Variants in TDRD12 observed in about 807,000 individuals in gnomAD.
The protein encoded by TDRD12 is putative ATP-dependent RNA helicase TDRD12.
TDRD12 carries 158 observed loss-of-function variants against 133.5 expected under a neutral mutation model. The ratio of observed to expected loss-of-function variants is 1.18; its 90% CI spans 1.04 to 1.35. The LOEUF (loss-of-function observed/expected upper bound fraction) is 1.35. Ranked by LOEUF, TDRD12 falls within the 40% of genes most tolerant of loss-of-function variation. TDRD12 has a pLI of 0.00. For missense variants in TDRD12, 1,443 were observed against 1,321.3 expected (o/e 1.09, Z -1.43); for synonymous variants, 460 against 477.9 (o/e 0.96, Z 0.49).
At chr19:32,828,135 A>G (rs1209179807) in exon 10 of TDRD12, 1 of 152,212 alleles carries the variant, frequency 6.6e-6, no homozygotes, top group Non-Finnish European at 1.5e-5. Context: ...CCTCAGAGTA[A>G]GTTGACTTCT....
chr19:32,821,361 C>G (rs1967380555), downstream of TDRD12: 1 of 553,472 alleles, frequency 1.8e-6, no homozygotes, highest in Non-Finnish European at 3.2e-6. Flanking sequence ...AAGTGAACAG[C>G]TCAGCAGAGT....
At chr19:32,746,160 G>C (rs1187487489) in intron 4 of TDRD12, among the ~76,000 whole-genome samples, 1 of 147,882 alleles carries the variant, frequency 6.8e-6, no homozygotes, top group Non-Finnish European at 1.5e-5. Flanking sequence ...GGCTGAAGTG[G>C]TTATTCTGTG....
At chr19:32,823,581 G>T (rs1967481266), downstream of TDRD12, among the ~76,000 whole-genome samples, 1 of 152,144 alleles carries the variant, frequency 6.6e-6, no homozygotes, top group South Asian at 2.1e-4. Flanking sequence ...AGTGGTACGT[G>T]GGGGACTGAA....
intron 11 of TDRD12, among the ~76,000 whole-genome samples, chr19:32,780,671 C>T (rs2145629022): frequency 6.6e-6 from 1 of 152,296 alleles, no homozygotes; most frequent in South Asian, 2.1e-4. Context: ...TTCATTGTCC[C>T]TGGGCTGTGA....
intron 21 of TDRD12, among the ~76,000 whole-genome samples, chr19:32,804,418 G>A (rs538969836): frequency 3.3e-5 from 5 of 151,308 alleles, no homozygotes; most frequent in Admixed American, 6.6e-5. Flanking sequence ...TCTTGGCCAG[G>A]TGCAGTGGCT....
chr19:32,783,735 G>T (rs1192504745), intron 11 of TDRD12, among the ~76,000 whole-genome samples: 1 of 152,132 alleles, frequency 6.6e-6, no homozygotes, highest in Non-Finnish European at 1.5e-5. Flanking sequence ...AATTGTGAAT[G>T]GGAGTTCACT....
chr19:32,722,789 C>T (rs901214704), intron 1 of TDRD12, among the ~76,000 whole-genome samples: 3 of 151,584 alleles, frequency 2.0e-5, no homozygotes, highest in African/African-American at 7.3e-5. Flanking sequence ...AAGCGATTCT[C>T]CTGCCTCAGC....
chr19:32,794,345 T>C (rs1971160745), intron 13 of TDRD12, among the ~76,000 whole-genome samples: 1 of 151,950 alleles, frequency 6.6e-6, no homozygotes, highest in Non-Finnish European at 1.5e-5. Context: ...CCTCAGGTGA[T>C]CCACCCACCT....
At chr19:32,756,075 A>T in exon 7 of TDRD12, 1 of 1,484,410 alleles carries the variant, frequency 6.7e-7, no homozygotes, top group Non-Finnish European at 8.9e-7. Context: ...ATTATTTAGA[A>T]AAACCAAGAT....
At chr19:32,806,725 T>G (rs1364898448) in intron 21 of TDRD12, among the ~76,000 whole-genome samples, 1 of 152,124 alleles carries the variant, frequency 6.6e-6, no homozygotes, top group Non-Finnish European at 1.5e-5. Context: ...TGGCACCATC[T>G]TGGCTCACTG....
chr19:32,773,721 C>T (rs989803420), intron 10 of TDRD12, among the ~76,000 whole-genome samples, 189 bp downstream of exon 10: 15 of 152,028 alleles, frequency 9.9e-5, no homozygotes, highest in East Asian at 3.8e-4. Flanking sequence ...AATAATAATT[C>T]GGTGTAATTG....
At chr19:32,810,364 T>A in intron 23 of TDRD12, 87 bp downstream of exon 23, 1 of 1,134,488 alleles carries the variant, frequency 8.8e-7, no homozygotes, top group South Asian at 1.7e-5. Flanking sequence ...CTCTGTCCAT[T>A]TGACTGAGTG....
At chr19:32,735,269 CAAATGAAAAAAA>C (rs1381026991) in intron 2 of TDRD12, among the ~76,000 whole-genome samples, 3 of 138,884 alleles carry the variant, frequency 2.2e-5, no homozygotes, top group Non-Finnish European at 4.8e-5. Flanking sequence ...GGAGAACACA[CAAATGAAAAAAA>C]AAATGAAAAA....
intron 1 of TDRD12, among the ~76,000 whole-genome samples, chr19:32,729,545 T>C (rs934815329): frequency 6.6e-6 from 1 of 151,582 alleles, no homozygotes; most frequent in Admixed American, 6.6e-5. Flanking sequence ...TTATGAAATT[T>C]ACGTTTTCCA....
chr19:32,724,279 C>T (rs1045124320), intron 1 of TDRD12, among the ~76,000 whole-genome samples: 2 of 152,160 alleles, frequency 1.3e-5, no homozygotes, highest in Non-Finnish European at 2.9e-5. Flanking sequence ...AGGTTTGTTA[C>T]ATAGATAGAC....
At chr19:32,803,008 G>A (rs1431780568) in exon 21 of TDRD12, 1 of 1,535,940 alleles carries the variant, frequency 6.5e-7, no homozygotes, top group African/African-American at 1.4e-5. Context: ...TGGGCGTCCT[G>A]CGCTACTTGG....
chr19:32,720,087 G>A, exon 1 of TDRD12: 3 of 1,548,186 alleles, frequency 1.9e-6, no homozygotes, highest in Non-Finnish European at 2.6e-6. Flanking sequence ...TCCAGCTCCT[G>A]GTGCTGAAGG....
At chr19:32,801,896 C>T (rs1482463689) in intron 19 of TDRD12, 23 bp downstream of exon 19, 1 of 921,816 alleles carries the variant, frequency 1.1e-6, no homozygotes, top group Non-Finnish European at 1.6e-6. Context: ...ATTTCTACTT[C>T]TATTTAGTGA....
At chr19:32,791,108 A>G (rs907301203) in intron 13 of TDRD12, 40 bp downstream of exon 13, 71 of 1,512,930 alleles carry the variant, frequency 4.7e-5, no homozygotes, top group Non-Finnish European at 6.2e-5. Context: ...AAGAATGCCA[A>G]CTTTTTCTAA....
Sources: gnomAD v4.1 joint callset for allele counts (sites outside exome capture counted in the v4.1 genomes callset) on GRCh38, gnomAD v4.1.1 for gene constraint, MANE v1.5 for transcripts, NCBI Gene and HGNC (gene_info 2026-07-23, HGNC 2026-07-21) for gene names.